Variants in PLCB4 observed in about 807,000 individuals in gnomAD.
PLCB4 encodes the protein 1-phosphatidylinositol 4,5-bisphosphate phosphodiesterase beta-4.
In PLCB4, 77 loss-of-function variants were observed where a neutral mutation model predicts 178.8. The ratio of observed to expected loss-of-function variants is 0.43; its 90% CI spans 0.36 to 0.52. The LOEUF is 0.52. Among genes scored for constraint, PLCB4 ranks in the 20% least tolerant of loss-of-function variants. The pLI is 0.00. For missense variants in PLCB4, 1,024 were observed against 1,453.4 expected, an observed-to-expected ratio of 0.70 and a Z score of 4.80; for synonymous variants, 496 against 490.8, an observed-to-expected ratio of 1.01 and a Z score of -0.14.
At chr20:9,234,504 A>G (rs937460781) in intron 3 of PLCB4, among the ~76,000 whole-genome samples, 1 of 152,086 alleles carries the variant, frequency 6.6e-6, no homozygotes, top group African/African-American at 2.4e-5. Context: ...GTCAGGAAAA[A>G]CTTGGAGATT....
chr20:9,087,786 C>T (rs1315964450), intron 1 of PLCB4, among the ~76,000 whole-genome samples: 1 of 152,182 alleles, frequency 6.6e-6, no homozygotes, highest in Non-Finnish European at 1.5e-5. Flanking sequence ...TTTGGAGAGC[C>T]CTTGCAGGTC....
Position 9,371,301 on chromosome 20 carries a change from C to CATT in PLCB4, c.585+8_585+10dup. 2 of 1,484,552 alleles carry CATT rather than the reference C, an allele frequency of 1.3e-6. No individual in the cohort carries two copies. The highest frequency in any genetic ancestry group is 9.4e-7 in the Non-Finnish European group (1 of 1,064,940). The allele number at this position is 1,484,552 out of a possible 1,614,324, so 92.0% of individuals were successfully genotyped here. On this transcript the variant is annotated splice_region_variant and intron_variant, in intron 10 of 39. Coordinates refer to ENST00000378473, the MANE Select transcript of PLCB4 (RefSeq NM_001377142.1). ...TAGGTCTTCCCAGTGGAAAGGTATG[C>CATT]ATTAACTTAATAATGTATTTCTAAA...
chr20:9,385,637 G>A (rs2037553383), intron 14 of PLCB4, among the ~76,000 whole-genome samples: 1 of 149,066 alleles, frequency 6.7e-6, no homozygotes, highest in African/African-American at 2.5e-5. Flanking sequence ...GCCGGGCAGA[G>A]GCGCTCCTCA....
chr20:9,452,170 G>A (rs893527970), intron 32 of PLCB4, among the ~76,000 whole-genome samples: 1 of 152,192 alleles, frequency 6.6e-6, no homozygotes, highest in African/African-American at 2.4e-5. Context: ...TAAATGAATT[G>A]TAGATCAAGT....
At chr20:9,458,678 C>T (rs2043204642) in intron 34 of PLCB4, among the ~76,000 whole-genome samples, 1 of 152,174 alleles carries the variant, frequency 6.6e-6, no homozygotes, top group African/African-American at 2.4e-5. Flanking sequence ...CAGGCTCAGT[C>T]AGAGGGTAGC....
At chr20:9,302,853 GC>G (rs1325414575) in intron 3 of PLCB4, among the ~76,000 whole-genome samples, 1 of 150,018 alleles carries the variant, frequency 6.7e-6, no homozygotes, top group African/African-American at 2.5e-5. Context: ...ACTGTAAAAA[GC>G]TTTTTTTTTT....
chr20:9,447,206 C>G (rs1398943607), intron 32 of PLCB4, among the ~76,000 whole-genome samples: 1 of 152,100 alleles, frequency 6.6e-6, no homozygotes, highest in Non-Finnish European at 1.5e-5. Flanking sequence ...AACAAACCAC[C>G]CTAAAATGTA....
intron 2 of PLCB4, among the ~76,000 whole-genome samples, chr20:9,116,348 GAT>G (rs1391169634): frequency 6.6e-6 from 1 of 151,972 alleles, no homozygotes; most frequent in Non-Finnish European, 1.5e-5. Context: ...GTACGTATAA[GAT>G]ATATATGTGT....
At chr20:9,376,492 G>T (rs1385734724) in intron 12 of PLCB4, among the ~76,000 whole-genome samples, 1 of 152,100 alleles carries the variant, frequency 6.6e-6, no homozygotes, top group Admixed American at 6.6e-5. Context: ...TCATCCAATG[G>T]ACTGAGGGAA....
intron 2 of PLCB4, among the ~76,000 whole-genome samples, chr20:9,202,327 A>G (rs190505425): frequency 6.6e-6 from 1 of 152,192 alleles, no homozygotes; most frequent in Non-Finnish European, 1.5e-5. Flanking sequence ...GCATTTGCCA[A>G]ACTCACAGCA....
At chr20:9,353,406 C>A (rs1034532480) in intron 7 of PLCB4, among the ~76,000 whole-genome samples, 1 of 152,236 alleles carries the variant, frequency 6.6e-6, no homozygotes, top group East Asian at 1.9e-4. Flanking sequence ...GTGACACTAA[C>A]ACTTAGTACC....
At chr20:9,429,051 A>G (rs1025110150) in intron 28 of PLCB4, among the ~76,000 whole-genome samples, 1 of 152,218 alleles carries the variant, frequency 6.6e-6, no homozygotes, top group Non-Finnish European at 1.5e-5. Context: ...CTTCATGGAA[A>G]TGACATTATG....
rs1320697349 is a variant in PLCB4 at position 9,389,162 on chromosome 20, C to T, written c.1159-717C>T. 3.9e-5 allele frequency among the ~76,000 whole-genome samples: 6 copies of T among 152,220 alleles called. No individual in the cohort carries two copies. In the East Asian group the frequency reaches 1.2e-3, roughly 29 times the overall value. ...GGGCCAACCATCTCTTAAAGCCTCT[C>T]CTATTTCATGGAGAATAGTGAAAGG... On this transcript the variant is annotated intron_variant, in intron 15 of 39. Coordinates refer to ENST00000378473, the MANE Select transcript of PLCB4 (RefSeq NM_001377142.1).
At chr20:9,383,534 G>T (rs887547016) in intron 13 of PLCB4, among the ~76,000 whole-genome samples, 3 of 152,144 alleles carry the variant, frequency 2.0e-5, no homozygotes, top group Admixed American at 2.0e-4. Context: ...TACCACGTGG[G>T]CTCTACCCCA....
chr20:9,216,529 T>G (rs1439641024), intron 2 of PLCB4, among the ~76,000 whole-genome samples: 1 of 152,022 alleles, frequency 6.6e-6, no homozygotes, highest in Non-Finnish European at 1.5e-5. Flanking sequence ...AGATGGAGTT[T>G]TACTCCGTTG....
chr20:9,076,087 C>G (rs1419780463), intron 1 of PLCB4, among the ~76,000 whole-genome samples: 2 of 151,962 alleles, frequency 1.3e-5, no homozygotes, highest in East Asian at 3.9e-4. Context: ...CTCCCTATAC[C>G]CTATTTTTCC....
chr20:9,345,391 G>T (rs2033692437), intron 7 of PLCB4, among the ~76,000 whole-genome samples: 1 of 151,910 alleles, frequency 6.6e-6, no homozygotes, highest in African/African-American at 2.4e-5. Context: ...GTTTTCTTTT[G>T]TTTTTTCCTC....
intron 3 of PLCB4, among the ~76,000 whole-genome samples, chr20:9,276,271 A>G (rs545912489): frequency 6.6e-6 from 1 of 152,180 alleles, no homozygotes; most frequent in East Asian, 1.9e-4. Flanking sequence ...CCTGGAGTCA[A>G]TGTAGCTAGA....
At chr20:9,356,140 G>A (rs1261239366) in intron 7 of PLCB4, among the ~76,000 whole-genome samples, 1 of 152,014 alleles carries the variant, frequency 6.6e-6, no homozygotes, top group African/African-American at 2.4e-5. Context: ...TTTTTGATGG[G>A]GTTGTTTTTT....
Sources: allele counts gnomAD v4.1 joint callset (sites outside exome capture counted in the v4.1 genomes callset), GRCh38; gene constraint gnomAD v4.1.1; transcripts MANE v1.5; gene names NCBI Gene and HGNC (gene_info 2026-07-23, HGNC 2026-07-21).